CLIP2: variants seen among roughly 807,000 people sequenced by gnomAD.
CLIP2 encodes CAP-Gly domain containing linker protein 2, also known as CAP-Gly domain-containing linker protein 2.
In CLIP2, 41 loss-of-function variants were observed where a neutral mutation model predicts 111.7. The ratio of observed to expected loss-of-function variants is 0.37; its 90% CI spans 0.29 to 0.48. The LOEUF is 0.48. Among genes scored for constraint, CLIP2 ranks in the 20% least tolerant of loss-of-function variants. The pLI, the probability that CLIP2 is intolerant of heterozygous loss-of-function variation, is 0.99. For missense variants in CLIP2, 1,160 were observed against 1,422.1 expected (o/e 0.82, Z 2.96); for synonymous variants, 660 against 644.2 (o/e 1.02, Z -0.37).
intron 1 of CLIP2, among the ~76,000 whole-genome samples, chr7:74,295,599 C>A (rs1160443324): frequency 6.6e-6 from 1 of 152,096 alleles, no homozygotes; most frequent in Non-Finnish European, 1.5e-5. Flanking sequence ...AGCCAGGGGC[C>A]ACAGAGGAGA....
intron 2 of CLIP2, among the ~76,000 whole-genome samples, chr7:74,336,324 C>G (rs1316856041): frequency 6.6e-6 from 1 of 151,706 alleles, no homozygotes; most frequent in Non-Finnish European, 1.5e-5. Context: ...CACCTTGGCC[C>G]CGCAAAGTGC....
At chr7:74,375,798 G>A (rs2116654619) in intron 9 of CLIP2, 89 bp from the exon 10 acceptor site, 5 of 1,121,186 alleles carry the variant, frequency 4.5e-6, no homozygotes, top group Middle Eastern at 6.1e-4. Context: ...TCGAATGGAC[G>A]CCCCCTACCC....
In CLIP2 at chr7:74,392,233, C is replaced by T. The variant is rs180916502; in HGVS notation, c.2720+2974C>T. 6.4e-3 allele frequency among the ~76,000 whole-genome samples: 970 copies of T among 152,072 alleles called. 11 individuals carry two copies. Among genetic ancestry groups the T allele is most frequent in the African/African-American group, 0.022 (924 of 41,498 alleles). The stretch of plus-strand genomic sequence containing the variant: ...AGGCTTGGTGGTGGGCACCTGTAGT[C>T]CCAGCTACTGGGGAGGCTGAGGCAG... On this transcript the variant is annotated intron_variant, in intron 13 of 16. Coordinates refer to ENST00000223398, the MANE Select transcript of CLIP2 (RefSeq NM_003388.5).
intron 11 of CLIP2, 62 bp from the exon 12 acceptor site, chr7:74,386,459 C>G: frequency 1.4e-6 from 2 of 1,404,630 alleles, no homozygotes; most frequent in Non-Finnish European, 2.0e-6. Context: ...GGGCCATGGC[C>G]CTACCCACTG....
At chr7:74,399,633 G>A (rs556390157) in intron 14 of CLIP2, among the ~76,000 whole-genome samples, 3 of 150,630 alleles carry the variant, frequency 2.0e-5, no homozygotes, top group African/African-American at 4.8e-5. Flanking sequence ...TCCACCTCCC[G>A]GGTTCAAGCG....
At chr7:74,381,079 T>C (rs1338970895) in intron 11 of CLIP2, 1 of 406,150 alleles carries the variant, frequency 2.5e-6, no homozygotes, top group Non-Finnish European at 4.4e-6. Flanking sequence ...TTTTTTTCTT[T>C]TTCTTTTGAA....
chr7:74,297,524 C>A (rs112516589), intron 1 of CLIP2, among the ~76,000 whole-genome samples: 2 of 152,066 alleles, frequency 1.3e-5, no homozygotes, highest in Non-Finnish European at 2.9e-5. Flanking sequence ...CAGGGCCCCC[C>A]CTTTGAGAGG....
intron 13 of CLIP2, among the ~76,000 whole-genome samples, chr7:74,393,392 A>G (rs1554316184): frequency 2.0e-5 from 3 of 146,666 alleles, no homozygotes; most frequent in Non-Finnish European, 3.0e-5. Context: ...GCTGGAGTGC[A>G]GTGGCACAAT....
intron 7 of CLIP2, among the ~76,000 whole-genome samples, chr7:74,362,607 C>A (rs1790365254): frequency 7.1e-6 from 1 of 140,838 alleles, no homozygotes; most frequent in South Asian, 2.2e-4. Context: ...GTGATCTCGG[C>A]TCACTGCAAC....
chr7:74,338,277 G>C lies in CLIP2; in HGVS notation c.122-171G>C, dbSNP rs73131380. ...AGCAATTTGGGAAGCCAAGGCGGGC[G>C]GATTTCTTGAGGTCAGGAGTTCGAG... On this transcript the variant is annotated intron_variant, in intron 2 of 16. Transcript: ENST00000223398. This position sits in a 1 kb window ranked among gnomAD's most constrained non-coding sequence, Gnocchi z 4.3. 1.3e-5 allele frequency among the ~76,000 whole-genome samples: 2 copies of C among 151,984 alleles called. No homozygotes were observed. The highest frequency in any genetic ancestry group is 4.8e-5 in the African/African-American group (2 of 41,368).
chr7:74,394,255 T>A lies in CLIP2; in HGVS notation c.2721-2819T>A, dbSNP rs559730210. ...CTTCTTTTTCTTCTTATTTTTTTTTTTTTTTTTTTTTTGAGATGGAGTTTT... is the reference window on the plus strand; with the variant it reads ...CTTCTTTTTCTTCTTATTTTTTTTTATTTTTTTTTTTTGAGATGGAGTTTT... On this transcript the variant is annotated intron_variant, in intron 13 of 16. Coordinates refer to ENST00000223398, the MANE Select transcript of CLIP2 (RefSeq NM_003388.5). Among the ~76,000 whole-genome samples the A allele has an allele frequency of 1.6e-4, 24 of 147,060 alleles. No homozygotes were observed. The East Asian group carries it at 4.2e-3, about 26-fold the overall frequency.
In CLIP2 at chr7:74,319,408, C is replaced by G. The variant is rs77770842; in HGVS notation, c.121+1741C>G. Among the ~76,000 whole-genome samples, 202 of 151,838 alleles carry G rather than the reference C, an allele frequency of 1.3e-3. 3 individuals carry two copies. The highest frequency in any genetic ancestry group is 4.8e-3 in the African/African-American group (198 of 41,426). ...CTGTAATCCTAGCTACATGGGAGGC[C>G]GAGGCATGAGAATCGGTTGGACTTA... On this transcript the variant is annotated intron_variant, in intron 2 of 16. Transcript: ENST00000223398.
intron 15 of CLIP2, 151 bp from the exon 16 acceptor site, chr7:74,401,354 G>C: frequency 1.4e-6 from 1 of 699,852 alleles, no homozygotes; most frequent in South Asian, 1.7e-5. Flanking sequence ...ACCCCTAGAG[G>C]CTTGGTCTTT....
At chr7:74,375,845 G>C in intron 9 of CLIP2, 42 bp from the exon 10 acceptor site, 1 of 1,456,892 alleles carries the variant, frequency 6.9e-7, no homozygotes, top group Non-Finnish European at 9.1e-7. Context: ...CTTCCAGCCA[G>C]CCAGCCAGCC....
At position 74,376,572 on chromosome 7, in the gene CLIP2, A is replaced by C. The variant is rs200159481; in HGVS notation, c.2171A>C (p.Gln724Pro). The C allele has an allele frequency of 9.8e-5, 158 of 1,609,630 alleles. No homozygotes were observed. Among genetic ancestry groups the C allele is most frequent in the Non-Finnish European group, 1.2e-4 (147 of 1,178,566 alleles). Residue 724 changes from glutamine (Q) to proline (P), a missense_variant, in exon 10 of 17, where the codon CAG becomes CCG. By Grantham distance (76) the Gln-to-Pro change is moderately conservative. This residue lies in a region of CLIP2 where 676 missense variants were observed against 777.8 expected (regional missense o/e 0.87). Transcript: ENST00000223398. This position sits in a 1 kb window ranked among gnomAD's most constrained non-coding sequence, Gnocchi z 7.1. ...CTGGAGCTGCAGGAGGCCCAGGACC[A>C]GCGCCGGGATGCCGAGCTGCGTGTG... ...HRLELQEAQD[Q>P]RRDAELRVHE...
chr7:74,363,895 CAAA>C (rs11438621), intron 7 of CLIP2, among the ~76,000 whole-genome samples: 3 of 96,690 alleles, frequency 3.1e-5, no homozygotes, highest in Non-Finnish European at 5.9e-5. Context: ...GACTCTGTCT[CAAA>C]AAAAAAAAAA....
chr7:74,383,323 A>G (rs1417760282), intron 11 of CLIP2, among the ~76,000 whole-genome samples: 2 of 152,086 alleles, frequency 1.3e-5, no homozygotes, highest in Non-Finnish European at 2.9e-5. Context: ...TGGAATTACT[A>G]ACCTTATTGT....
chr7:74,378,553 A>G (rs1412573442), intron 10 of CLIP2, among the ~76,000 whole-genome samples: 2 of 152,138 alleles, frequency 1.3e-5, no homozygotes, highest in African/African-American at 4.8e-5. Flanking sequence ...CAGCCTGGAC[A>G]ACATAGTTAG....
chr7:74,317,693 G>C (rs1554729329), intron 2 of CLIP2, 26 bp downstream of exon 2: 1 of 1,420,030 alleles, frequency 7.0e-7, no homozygotes, highest in Non-Finnish European at 9.3e-7. Flanking sequence ...AGGATGGGGG[G>C]TGAGGGGACT....
Sources: allele counts gnomAD v4.1 joint callset (sites outside exome capture counted in the v4.1 genomes callset), GRCh38; gene constraint gnomAD v4.1.1; regional missense constraint gnomAD v4.1.1; non-coding constraint Gnocchi (gnomAD v3.1); transcripts MANE v1.5; gene names NCBI Gene and HGNC (gene_info 2026-07-23, HGNC 2026-07-21).